UBR1: variants seen among roughly 807,000 people sequenced by gnomAD.
UBR1 encodes the protein ubiquitin protein ligase E3 component n-recognin 1, also known as E3 ubiquitin-protein ligase UBR1.
Under a neutral mutation model 242.1 loss-of-function variants are expected in UBR1, and 102 were observed. The ratio of observed to expected loss-of-function variants is 0.42; its 90% CI spans 0.36 to 0.50. UBR1 has a LOEUF of 0.50. Ranked by LOEUF, UBR1 falls within the 20% of genes least tolerant of loss-of-function variation. The pLI is 0.01. For missense variants in UBR1, 1,772 were observed against 2,101.8 expected (o/e 0.84, Z 3.07); for synonymous variants, 675 against 684.8 (o/e 0.99, Z 0.22).
intron 43 of UBR1, among the ~76,000 whole-genome samples, chr15:42,958,917 G>A (rs1273082998): frequency 6.6e-6 from 1 of 152,122 alleles, no homozygotes; most frequent in Non-Finnish European, 1.5e-5. Flanking sequence ...TGCAACGTCC[G>A]CGTCCTGGGT....
chr15:43,096,795 CACTTCT>C (rs1382882157), intron 1 of UBR1, among the ~76,000 whole-genome samples: 1 of 152,166 alleles, frequency 6.6e-6, no homozygotes, highest in East Asian at 1.9e-4. Flanking sequence ...CTTCAACCTC[CACTTCT>C]AATTCTAGTT....
intron 1 of UBR1, among the ~76,000 whole-genome samples, chr15:43,088,153 A>G (rs2034061137): frequency 6.6e-6 from 1 of 152,238 alleles, no homozygotes; most frequent in Non-Finnish European, 1.5e-5. Flanking sequence ...TCAATCCTAT[A>G]CATTTCATGT....
chr15:43,028,780 A>AAT lies in UBR1; in HGVS notation c.2380-954_2380-953dup, dbSNP rs150339606. Among the ~76,000 whole-genome samples the AAT allele has an allele frequency of 7.8e-4, 115 of 146,998 alleles. 1 individual carries two copies. The highest frequency in any genetic ancestry group is 2.3e-3 in the Admixed American group (34 of 14,638). On this transcript the variant is annotated intron_variant, in intron 21 of 46. Transcript: ENST00000290650. ...AAAAACAAACAAACAACAACAAAAA[A>AAT]ATATATATATATATATTCCTTGGCC... is the stretch of plus-strand genomic sequence containing the variant.
intron 46 of UBR1, among the ~76,000 whole-genome samples, chr15:42,946,794 T>C (rs1160556631): frequency 1.3e-5 from 2 of 152,066 alleles, no homozygotes; most frequent in African/African-American, 4.8e-5. Context: ...TACAGAAAAG[T>C]TCAGGATTCT....
chr15:42,960,345 CA>C (rs2031994387), intron 43 of UBR1, among the ~76,000 whole-genome samples: 1 of 152,166 alleles, frequency 6.6e-6, no homozygotes, highest in Non-Finnish European at 1.5e-5. Context: ...GAAGTTAATA[CA>C]CCAGCAGCTC....
At chr15:43,061,465 C>T (rs1024412338) in intron 6 of UBR1, among the ~76,000 whole-genome samples, 12 of 152,126 alleles carry the variant, frequency 7.9e-5, no homozygotes, top group Non-Finnish European at 1.6e-4. Context: ...TGCAAAATCA[C>T]GGCACCAACT....
intron 26 of UBR1, among the ~76,000 whole-genome samples, chr15:43,021,630 A>G (rs1347338843): frequency 6.6e-6 from 1 of 152,222 alleles, no homozygotes; most frequent in East Asian, 1.9e-4. Flanking sequence ...TTTAGGGAAT[A>G]ATGACAAGAA....
At chr15:43,043,520 C>T (rs1365583287) in intron 14 of UBR1, 125 bp from the exon 15 acceptor site, 1 of 841,724 alleles carries the variant, frequency 1.2e-6, no homozygotes, top group African/African-American at 1.7e-5. Context: ...CAGCTCACTG[C>T]AGCCTCAACC....
chr15:42,996,492 G>A (rs961166388), intron 33 of UBR1, among the ~76,000 whole-genome samples: 2 of 152,118 alleles, frequency 1.3e-5, no homozygotes, highest in Non-Finnish European at 2.9e-5. Context: ...AGCTACTTGG[G>A]AGGCTGAGGT....
chr15:42,956,166 C>T (rs925246463), intron 44 of UBR1, among the ~76,000 whole-genome samples: 3 of 152,126 alleles, frequency 2.0e-5, no homozygotes, highest in Non-Finnish European at 4.4e-5. Flanking sequence ...GTTTAATGGG[C>T]TTCCATGTAA....
chr15:43,061,368 T>C (rs1043396733), intron 6 of UBR1, among the ~76,000 whole-genome samples: 2 of 152,202 alleles, frequency 1.3e-5, no homozygotes, highest in Admixed American at 6.5e-5. Flanking sequence ...TCAGTCCCAA[T>C]ACTGGCTATC....
chr15:43,013,971 C>T (rs1005009782), intron 29 of UBR1, among the ~76,000 whole-genome samples: 1 of 152,112 alleles, frequency 6.6e-6, no homozygotes, highest in Non-Finnish European at 1.5e-5. Flanking sequence ...CGGCTCACTG[C>T]AACCTCCCCG....
chr15:43,057,683 T>C (rs1567138945), intron 10 of UBR1, among the ~76,000 whole-genome samples: 1 of 152,180 alleles, frequency 6.6e-6, no homozygotes, highest in African/African-American at 2.4e-5. Context: ...AGCATACACA[T>C]CTGTTCTTCT....
chr15:43,102,096 T>C (rs1308366373), intron 1 of UBR1, among the ~76,000 whole-genome samples: 2 of 149,998 alleles, frequency 1.3e-5, no homozygotes, highest in African/African-American at 2.4e-5. Context: ...GCCGAGATCA[T>C]ACCGCTGGAA....
intron 33 of UBR1, among the ~76,000 whole-genome samples, chr15:42,992,110 T>C (rs529537501): frequency 6.6e-6 from 1 of 152,182 alleles, no homozygotes; most frequent in African/African-American, 2.4e-5. Context: ...ATTTTTTCAA[T>C]TCTATTATCT....
intron 12 of UBR1, among the ~76,000 whole-genome samples, chr15:43,049,388 C>T (rs1449842422): frequency 6.6e-6 from 1 of 152,084 alleles, no homozygotes; most frequent in Admixed American, 6.6e-5. Flanking sequence ...ACAGTGAAAC[C>T]CCGTCTCTAC....
At chr15:43,029,163 GC>G (rs1205328538) in intron 21 of UBR1, among the ~76,000 whole-genome samples, 9 of 149,796 alleles carry the variant, frequency 6.0e-5, no homozygotes, top group Non-Finnish European at 1.3e-4. Flanking sequence ...TCTTTGGAAA[GC>G]CTTGACAGCA....
At chr15:43,013,064 C>T (rs184079307) in intron 29 of UBR1, among the ~76,000 whole-genome samples, 36 of 152,290 alleles carry the variant, frequency 2.4e-4, no homozygotes, top group African/African-American at 8.2e-4. Context: ...CGTCACCACA[C>T]CCGGCTAATT....
Position 43,077,041 on chromosome 15 carries a change from C to T in UBR1, c.418-1952G>A, listed in dbSNP as rs1199398458. ...GGGGAGGGTGGTGGGGGGGTCAGCC[C>T]CCCGCCCGGCCAGCCGCCCCATCCG... On this transcript the variant is annotated intron_variant, in intron 3 of 46. Transcript: ENST00000290650. Among the ~76,000 whole-genome samples, 7 of 93,990 alleles carry T rather than the reference C, an allele frequency of 7.4e-5. No homozygotes were observed. The South Asian group carries it at 2.5e-3, about 34-fold the overall frequency. The allele number at this position is 93,990 out of a possible 152,430, so 61.7% of individuals were successfully genotyped here.
Sources: allele counts gnomAD v4.1 joint callset (sites outside exome capture counted in the v4.1 genomes callset), GRCh38; gene constraint gnomAD v4.1.1; transcripts MANE v1.5; gene names NCBI Gene and HGNC (gene_info 2026-07-23, HGNC 2026-07-21).